Variants in NRG1 observed in about 807,000 individuals in gnomAD.
The protein encoded by NRG1 is neuregulin 1, also known as pro-neuregulin-1, membrane-bound isoform.
In NRG1, 18 loss-of-function variants were observed where a neutral mutation model predicts 63.8. The observed-to-expected ratio is 0.28, with a 90% CI of 0.19 to 0.42. The LOEUF (loss-of-function observed/expected upper bound fraction) is 0.42. Among genes scored for constraint, NRG1 ranks in the 10% least tolerant of loss-of-function variants. NRG1 has a pLI of 1.00. For missense variants in NRG1, 762 were observed against 814.7 expected, an observed-to-expected ratio of 0.94 and a Z score of 0.79; for synonymous variants, 302 against 301.3, an observed-to-expected ratio of 1.00 and a Z score of -0.02.
chr8:31,694,397 T>C (rs1809843768), intron 1 of NRG1, among the ~76,000 whole-genome samples: 2 of 152,184 alleles, frequency 1.3e-5, no homozygotes, highest in Non-Finnish European at 2.9e-5. Context: ...TTTTTGAGAG[T>C]CTTTTGATGT....
At chr8:32,057,370 T>C (rs1823116844) in intron 1 of NRG1, among the ~76,000 whole-genome samples, 1 of 152,160 alleles carries the variant, frequency 6.6e-6, no homozygotes, top group Non-Finnish European at 1.5e-5. Context: ...GTGCGTTGCA[T>C]TGAGTTCTGC....
At chr8:32,692,308 G>A (rs1811958730) in intron 5 of NRG1, among the ~76,000 whole-genome samples, 1 of 152,182 alleles carries the variant, frequency 6.6e-6, no homozygotes. Context: ...TGGATCATGA[G>A]TGAGTCAGTT....
At chr8:32,660,220 G>C (rs552417296) in intron 5 of NRG1, among the ~76,000 whole-genome samples, 1 of 152,298 alleles carries the variant, frequency 6.6e-6, no homozygotes, top group East Asian at 1.9e-4. Flanking sequence ...TTTTCAGTTT[G>C]GAGATGCTCA....
chr8:32,236,069 C>A (rs920503547), intron 1 of NRG1, among the ~76,000 whole-genome samples: 1 of 151,876 alleles, frequency 6.6e-6, no homozygotes, highest in Non-Finnish European at 1.5e-5. Context: ...AATACAGAGT[C>A]TACTATCAGA....
chr8:31,778,119 C>G (rs1218990303), intron 1 of NRG1, among the ~76,000 whole-genome samples: 2 of 152,158 alleles, frequency 1.3e-5, no homozygotes, highest in Non-Finnish European at 2.9e-5. Context: ...ACATCTAAAA[C>G]TTGAGTAATT....
chr8:31,855,995 T>C (rs1286730846), intron 1 of NRG1, among the ~76,000 whole-genome samples: 1 of 151,488 alleles, frequency 6.6e-6, no homozygotes, highest in African/African-American at 2.4e-5. Context: ...GTTAGTCTGA[T>C]GGGCTTCCCT....
At chr8:31,751,828 A>C (rs1016118075) in intron 1 of NRG1, among the ~76,000 whole-genome samples, 2 of 151,996 alleles carry the variant, frequency 1.3e-5, no homozygotes, top group East Asian at 3.9e-4. Context: ...TTAAGGTGAC[A>C]TAGAACTCTG....
At chr8:32,075,249 A>G (rs990055001) in intron 1 of NRG1, among the ~76,000 whole-genome samples, 3 of 152,238 alleles carry the variant, frequency 2.0e-5, no homozygotes, top group Non-Finnish European at 4.4e-5. Flanking sequence ...AAACTCTTCT[A>G]TCACTGACCA....
At chr8:32,104,255 G>A (rs1467579222) in intron 1 of NRG1, among the ~76,000 whole-genome samples, 1 of 152,120 alleles carries the variant, frequency 6.6e-6, no homozygotes, top group Non-Finnish European at 1.5e-5. Context: ...TAATACAGTG[G>A]TATTTGTTTA....
At chr8:31,951,255 CT>C in intron 1 of NRG1, among the ~76,000 whole-genome samples, 1 of 152,162 alleles carries the variant, frequency 6.6e-6, no homozygotes, top group Non-Finnish European at 1.5e-5. Context: ...TCTTTGAGGC[CT>C]CATTCTCTTC....
At chr8:32,559,735 A>G (rs1055453554) in intron 1 of NRG1, among the ~76,000 whole-genome samples, 1 of 151,574 alleles carries the variant, frequency 6.6e-6, no homozygotes, top group South Asian at 2.1e-4. Context: ...GGTGCCTCAT[A>G]CTTGTATTCC....
intron 1 of NRG1, among the ~76,000 whole-genome samples, chr8:32,148,003 A>C (rs1358862073): frequency 1.3e-5 from 2 of 152,214 alleles, no homozygotes; most frequent in Non-Finnish European, 2.9e-5. Flanking sequence ...CATAGTGGTC[A>C]AATAAACAAA....
intron 1 of NRG1, among the ~76,000 whole-genome samples, chr8:32,433,567 G>A (rs1399320418): frequency 2.0e-5 from 3 of 152,084 alleles, no homozygotes; most frequent in African/African-American, 7.2e-5. Flanking sequence ...TTCCACAAAA[G>A]AGAATAATTA....
intron 1 of NRG1, among the ~76,000 whole-genome samples, chr8:32,376,534 A>T (rs946173038): frequency 6.6e-6 from 1 of 152,172 alleles, no homozygotes; most frequent in African/African-American, 2.4e-5. Flanking sequence ...AGGTTAATAC[A>T]TATGCTTTGG....
intron 2 of NRG1, among the ~76,000 whole-genome samples, chr8:32,600,910 T>C (rs1327003109): frequency 6.6e-6 from 1 of 152,146 alleles, no homozygotes; most frequent in African/African-American, 2.4e-5. Flanking sequence ...GGGAATCAAG[T>C]AGTCTTTCCA....
intron 1 of NRG1, among the ~76,000 whole-genome samples, chr8:32,164,194 T>TGACCTACTCTTTTCATCTGACCTATTTC (rs1839163378): frequency 1.3e-5 from 2 of 151,812 alleles, no homozygotes; most frequent in Non-Finnish European, 2.9e-5. Flanking sequence ...TATTATTATG[T>TGACCTACTCTTTTCATCTGACCTATTTC]CATCAGCTAT....
At chr8:32,241,756 A>ATT (rs767301896) in intron 1 of NRG1, among the ~76,000 whole-genome samples, 35 of 144,172 alleles carry the variant, frequency 2.4e-4, no homozygotes, top group African/African-American at 7.6e-4. Flanking sequence ...CAAATGCCAC[A>ATT]TTTTTTTTTT....
chr8:32,672,840 GAA>G (rs1229972860), intron 5 of NRG1, among the ~76,000 whole-genome samples: 1 of 151,970 alleles, frequency 6.6e-6, no homozygotes, highest in African/African-American at 2.4e-5. Flanking sequence ...AGAATGTTGA[GAA>G]AAAAACCTGA....
At chr8:32,206,157 G>A (rs1844039815) in intron 1 of NRG1, among the ~76,000 whole-genome samples, 2 of 152,106 alleles carry the variant, frequency 1.3e-5, no homozygotes, top group South Asian at 4.1e-4. Flanking sequence ...ACTAGAACCA[G>A]TTTTATTGGA....
Sources: gnomAD v4.1 joint callset for allele counts (sites outside exome capture counted in the v4.1 genomes callset) on GRCh38, gnomAD v4.1.1 for gene constraint, MANE v1.5 for transcripts, NCBI Gene and HGNC (gene_info 2026-07-23, HGNC 2026-07-21) for gene names.